The following ZNF407 variants were observed in gnomAD, a reference collection of about 807,000 sequenced individuals.
The protein encoded by ZNF407 is zinc finger protein 407.
ZNF407 carries 17 observed loss-of-function variants against 131.2 expected under a neutral mutation model. The ratio of observed to expected loss-of-function variants is 0.13; its 90% CI spans 0.09 to 0.19. The LOEUF is 0.19. ZNF407 is among the 10% of genes least tolerant of loss of function. The probability of loss-of-function intolerance (pLI) is 1.00; values close to 1 mark genes in which losing one functional copy is unlikely to be tolerated. For missense variants in ZNF407, 2,681 were observed against 2,830.6 expected (o/e 0.95, Z 1.20); for synonymous variants, 1,156 against 1,062.0 (o/e 1.09, Z -1.72).
chr18:74,739,745 A>G (rs1047136625), intron 3 of ZNF407, among the ~76,000 whole-genome samples: 1 of 152,168 alleles, frequency 6.6e-6, no homozygotes, highest in Non-Finnish European at 1.5e-5. Context: ...TGAGATAAAA[A>G]AATGCTCATT....
chr18:74,789,039 C>G (rs1599154780), intron 4 of ZNF407, among the ~76,000 whole-genome samples: 5 of 152,160 alleles, frequency 3.3e-5, no homozygotes, highest in Admixed American at 3.3e-4. Flanking sequence ...CTTAGGTGAT[C>G]TATAGTGTTT....
At chr18:74,665,532 A>T (rs1432165508) in intron 3 of ZNF407, among the ~76,000 whole-genome samples, 2 of 152,188 alleles carry the variant, frequency 1.3e-5, no homozygotes, top group African/African-American at 2.4e-5. Context: ...GGTGATGAGA[A>T]ATACGTGTTT....
intron 3 of ZNF407, among the ~76,000 whole-genome samples, chr18:74,689,178 T>C (rs1568167676): frequency 6.6e-6 from 1 of 152,214 alleles, no homozygotes; most frequent in African/African-American, 2.4e-5. Flanking sequence ...CAGTGTTTTC[T>C]GGTTTTCTGC....
intron 8 of ZNF407, among the ~76,000 whole-genome samples, chr18:74,986,155 AC>A (rs572740419): frequency 3.2e-4 from 49 of 152,214 alleles, no homozygotes; most frequent in African/African-American, 1.1e-3. Context: ...CAGCAGTTTC[AC>A]CATAAGACAG....
intron 8 of ZNF407, among the ~76,000 whole-genome samples, chr18:75,049,157 T>C (rs891935330): frequency 4.6e-5 from 7 of 151,942 alleles, no homozygotes; most frequent in African/African-American, 1.5e-4. Flanking sequence ...TGGTGTGATA[T>C]ATAATTGCAC....
At chr18:74,762,120 C>G (rs1052578441) in intron 3 of ZNF407, among the ~76,000 whole-genome samples, 1 of 151,952 alleles carries the variant, frequency 6.6e-6, no homozygotes, top group Non-Finnish European at 1.5e-5. Flanking sequence ...TACCATCCCT[C>G]TGCTTGCAAG....
At chr18:74,744,199 T>A (rs1968614785) in intron 3 of ZNF407, among the ~76,000 whole-genome samples, 1 of 152,212 alleles carries the variant, frequency 6.6e-6, no homozygotes. Flanking sequence ...TCTACTTCGC[T>A]GTTATGTTCT....
intron 7 of ZNF407, among the ~76,000 whole-genome samples, chr18:74,901,987 A>G (rs966176971): frequency 2.6e-5 from 4 of 151,996 alleles, no homozygotes; most frequent in Admixed American, 6.6e-5. Context: ...AAGCGACATG[A>G]TAAGTGAGTC....
chr18:74,628,139 G>A (rs1983885527), intron 1 of ZNF407, among the ~76,000 whole-genome samples: 1 of 151,980 alleles, frequency 6.6e-6, no homozygotes, highest in South Asian at 2.1e-4. Flanking sequence ...TATTCTGAAG[G>A]AATGTATCTG....
At chr18:74,994,544 C>T (rs1972756947) in intron 8 of ZNF407, among the ~76,000 whole-genome samples, 1 of 151,658 alleles carries the variant, frequency 6.6e-6, no homozygotes, top group African/African-American at 2.4e-5. Context: ...AGCAAACAGT[C>T]AGGAAGGAGG....
chr18:75,011,523 TA>T lies in ZNF407; in HGVS notation c.5429-51619del, dbSNP rs575738142. ...ATGCTATATTAAATATTATTACACA[TA>T]AAAAAAATCTTTGCTTACAAAGAAT... On this transcript the variant is annotated intron_variant, in intron 8 of 8. Transcript: ENST00000299687. Among the ~76,000 whole-genome samples, 4 of 152,088 alleles carry T rather than the reference TA, an allele frequency of 2.6e-5. No individual in the cohort carries two copies. The South Asian group carries it at 6.2e-4, about 24-fold the overall frequency.
chr18:74,780,946 T>C (rs1330689298), intron 3 of ZNF407, among the ~76,000 whole-genome samples: 1 of 152,204 alleles, frequency 6.6e-6, no homozygotes, highest in Non-Finnish European at 1.5e-5. Flanking sequence ...AGTAAACATT[T>C]GTATTATTTT....
intron 8 of ZNF407, among the ~76,000 whole-genome samples, chr18:75,054,464 G>GT (rs576961035): frequency 6.6e-6 from 1 of 152,148 alleles, no homozygotes; most frequent in African/African-American, 2.4e-5. Context: ...GTGAATGTGG[G>GT]TTTTTTTATA....
chr18:74,689,834 A>G (rs912216402), intron 3 of ZNF407, among the ~76,000 whole-genome samples: 3 of 152,158 alleles, frequency 2.0e-5, no homozygotes, highest in Admixed American at 6.5e-5. Flanking sequence ...GTGATGGCAG[A>G]TAACAGCTGG....
At chr18:74,902,013 A>G (rs1260617037) in intron 7 of ZNF407, among the ~76,000 whole-genome samples, 1 of 152,160 alleles carries the variant, frequency 6.6e-6, no homozygotes, top group Non-Finnish European at 1.5e-5. Context: ...TGTAAAAGTA[A>G]AACTAATTTT....
At chr18:74,872,062 GT>G (rs1568249395) in intron 4 of ZNF407, among the ~76,000 whole-genome samples, 1 of 151,792 alleles carries the variant, frequency 6.6e-6, no homozygotes, top group African/African-American at 2.4e-5. Context: ...TAGAGACCGG[GT>G]TTCACTGTAT....
At chr18:74,727,423 T>G (rs1053406098) in intron 3 of ZNF407, among the ~76,000 whole-genome samples, 1 of 152,148 alleles carries the variant, frequency 6.6e-6, no homozygotes, top group African/African-American at 2.4e-5. Context: ...ATTTGTTTTT[T>G]GGGTTTTGTG....
At chr18:74,794,203 A>G (rs567278049) in intron 4 of ZNF407, among the ~76,000 whole-genome samples, 4 of 152,276 alleles carry the variant, frequency 2.6e-5, no homozygotes, top group South Asian at 4.1e-4. Flanking sequence ...TCTGCCGCAT[A>G]CATGATGTCA....
intron 7 of ZNF407, chr18:74,905,556 C>T (rs919593472): frequency 2.0e-5 from 3 of 152,246 alleles, no homozygotes; most frequent in Non-Finnish European, 2.9e-5. Context: ...AGTGTTCATC[C>T]ACTTCTGTGC....
Sources: gnomAD v4.1 joint callset for allele counts (sites outside exome capture counted in the v4.1 genomes callset) on GRCh38, gnomAD v4.1.1 for gene constraint, MANE v1.5 for transcripts, NCBI Gene and HGNC (gene_info 2026-07-23, HGNC 2026-07-21) for gene names.